Variants in RANBP2 observed in about 807,000 individuals in gnomAD.
RANBP2 encodes RAN binding protein 2, also known as E3 SUMO-protein ligase RanBP2.
RANBP2 carries 57 observed loss-of-function variants against 303.6 expected under a neutral mutation model. The observed-to-expected ratio is 0.19, with a 90% CI of 0.15 to 0.23. The LOEUF (loss-of-function observed/expected upper bound fraction) is 0.23, where lower values mean the gene tolerates loss of function less well. Ranked by LOEUF, RANBP2 falls within the 10% of genes least tolerant of loss-of-function variation. The pLI is 1.00. For synonymous variants in RANBP2, 1,167 were observed against 1,301.5 expected, an observed-to-expected ratio of 0.90 and a Z score of 2.23; for missense variants, 3,138 against 3,780.8, an observed-to-expected ratio of 0.83 and a Z score of 4.46.
the RANBP2 span, among the ~76,000 whole-genome samples, chr2:109,066,111 A>ATT: frequency 9.1e-3 from 1,206 of 133,142 alleles, 19 homozygotes; most frequent in African/African-American, 0.031. Context: ...CTAATTCTGT[A>ATT]TTTTTTTTTT....
chr2:108,764,749 G>T lies in RANBP2; in HGVS notation c.4210G>T (p.Val1404Phe). The T allele has an allele frequency of 1.2e-6, 2 of 1,614,048 alleles. No individual in the cohort carries two copies. The highest frequency in any genetic ancestry group is 2.2e-5 in the South Asian group (2 of 91,082). Residue 1404 changes from valine to phenylalanine, a missense_variant, in exon 20 of 29, where the codon GTT becomes TTT. Val to Phe is a conservative substitution (Grantham distance 50, BLOSUM62 -1). Around this residue, in one of 20 missense-constraint regions of RANBP2, gnomAD observed 388 missense variants for 328.5 expected, o/e 1.18. Coordinates refer to ENST00000283195, the MANE Select transcript of RANBP2 (RefSeq NM_006267.5). ...TACTCCTAAAACCAGCCCAGAGAAT[G>T]TTCAAGATCGATTTGCATTGGTGAC... ...VFTPKTSPEN[V>F]QDRFALVTPK...
chr2:109,190,281 C>T, the RANBP2 span, among the ~76,000 whole-genome samples: 1 of 152,092 alleles, frequency 6.6e-6, no homozygotes, highest in Non-Finnish European at 1.5e-5. Flanking sequence ...TCAAGTGATT[C>T]TTCTGCCTCA....
the RANBP2 span, among the ~76,000 whole-genome samples, chr2:108,944,455 C>T: frequency 6.6e-6 from 1 of 152,234 alleles, no homozygotes; most frequent in Non-Finnish European, 1.5e-5. Flanking sequence ...AATAGTTTGA[C>T]TATGGCTGCG....
the RANBP2 span, among the ~76,000 whole-genome samples, chr2:108,833,666 A>G: frequency 6.6e-6 from 1 of 152,168 alleles, no homozygotes. Context: ...CATAATAAGA[A>G]ACGAAACAAA....
At chr2:108,838,624 C>T in the RANBP2 span, among the ~76,000 whole-genome samples, 1 of 152,106 alleles carries the variant, frequency 6.6e-6, no homozygotes, top group East Asian at 1.9e-4. Flanking sequence ...AATTCATAGA[C>T]ATCCTTAAAC....
the RANBP2 span, among the ~76,000 whole-genome samples, chr2:109,053,803 G>C: frequency 5.9e-5 from 9 of 152,298 alleles, no homozygotes; most frequent in African/African-American, 2.2e-4. Flanking sequence ...TCTCCGGCTT[G>C]AAGTCTGAAA....
At chr2:109,537,629 T>G in the RANBP2 span, among the ~76,000 whole-genome samples, 1 of 152,062 alleles carries the variant, frequency 6.6e-6, no homozygotes, top group Admixed American at 6.6e-5. Context: ...TTACCATAAA[T>G]TTGGTGGCTT....
At chr2:109,078,096 A>ATATATATATATATATATATATGGCG in the RANBP2 span, among the ~76,000 whole-genome samples, 1 of 54,652 alleles carries the variant, frequency 1.8e-5, no homozygotes, top group African/African-American at 1.1e-4. Flanking sequence ...ATATATATAT[A>ATATATATATATATATATATATGGCG]TATATATATA....
At chr2:109,097,736 GGTGTGTGTGTGTGT>G in the RANBP2 span, among the ~76,000 whole-genome samples, 33 of 146,700 alleles carry the variant, frequency 2.2e-4, no homozygotes, top group African/African-American at 7.6e-4. Context: ...ATGTGCTTAG[GGTGTGTGTGTGTGT>G]GTGTGTGTGT....
the RANBP2 span, among the ~76,000 whole-genome samples, chr2:109,315,005 A>C: frequency 6.6e-6 from 1 of 152,094 alleles, no homozygotes; most frequent in Non-Finnish European, 1.5e-5. Context: ...GCACTGTCCC[A>C]TAAGGTAGCC....
At chr2:109,518,881 G>C in the RANBP2 span, among the ~76,000 whole-genome samples, 59 of 151,152 alleles carry the variant, frequency 3.9e-4, no homozygotes, top group Non-Finnish European at 7.2e-4. Context: ...GGCCCCAGCA[G>C]GAGGAAGAGA....
the RANBP2 span, among the ~76,000 whole-genome samples, chr2:109,218,935 A>AC: frequency 2.6e-5 from 4 of 152,224 alleles, no homozygotes; most frequent in African/African-American, 9.6e-5. Context: ...CCCTGCACGG[A>AC]CCAGGCTTGT....
At chr2:108,808,205 T>C in the RANBP2 span, among the ~76,000 whole-genome samples, 1 of 152,124 alleles carries the variant, frequency 6.6e-6, no homozygotes, top group Non-Finnish European at 1.5e-5. Flanking sequence ...ATAAAGAAAA[T>C]GTGGTTATAA....
At chr2:109,498,938 G>A in the RANBP2 span, among the ~76,000 whole-genome samples, 12 of 152,212 alleles carry the variant, frequency 7.9e-5, no homozygotes, top group Non-Finnish European at 1.3e-4. Context: ...TCGCTAGGGC[G>A]CGGCAGGGCA....
chr2:109,369,103 G>T, the RANBP2 span, among the ~76,000 whole-genome samples: 1 of 152,102 alleles, frequency 6.6e-6, no homozygotes, highest in Admixed American at 6.6e-5. Flanking sequence ...CCAGCACTTT[G>T]GGAGGCCGAG....
the RANBP2 span, among the ~76,000 whole-genome samples, chr2:109,031,677 A>G: frequency 6.6e-6 from 1 of 152,140 alleles, no homozygotes; most frequent in Non-Finnish European, 1.5e-5. Context: ...GCGCCGCTTC[A>G]GCGTCGGCCA....
chr2:109,426,312 G>A, the RANBP2 span, among the ~76,000 whole-genome samples: 1 of 152,140 alleles, frequency 6.6e-6, no homozygotes. Flanking sequence ...ACCATTCTAG[G>A]GCCATTATGA....
chr2:109,067,282 C>T, the RANBP2 span, among the ~76,000 whole-genome samples: 1 of 152,178 alleles, frequency 6.6e-6, no homozygotes, highest in African/African-American at 2.4e-5. Flanking sequence ...CAATTTTGTC[C>T]TGCTGTGTAT....
the RANBP2 span, among the ~76,000 whole-genome samples, chr2:109,339,612 G>A: frequency 6.6e-6 from 1 of 152,158 alleles, no homozygotes; most frequent in African/African-American, 2.4e-5. Context: ...AGGGGTTGCC[G>A]GTAGCGAGGC....
Sources: gnomAD v4.1 joint callset for allele counts (sites outside exome capture counted in the v4.1 genomes callset) on GRCh38, gnomAD v4.1.1 for gene constraint, gnomAD v4.1.1 regional missense constraint, MANE v1.5 for transcripts, NCBI Gene and HGNC (gene_info 2026-07-23, HGNC 2026-07-21) for gene names.